The following PTBP3 variants were observed in gnomAD, a reference collection of about 807,000 sequenced individuals.
PTBP3 encodes the protein polypyrimidine tract binding protein 3, also known as polypyrimidine tract-binding protein 3.
Under a neutral mutation model 58.7 loss-of-function variants are expected in PTBP3, and 20 were observed. That is an observed-to-expected ratio of 0.34 (90% CI 0.24 to 0.50). PTBP3 has a LOEUF of 0.50. Among genes scored for constraint, PTBP3 ranks in the 20% least tolerant of loss-of-function variants. PTBP3 has a pLI of 0.98. For missense variants in PTBP3, 509 were observed against 637.2 expected, an observed-to-expected ratio of 0.80 and a Z score of 2.17; for synonymous variants, 185 against 219.8, an observed-to-expected ratio of 0.84 and a Z score of 1.40.
chr9:112,276,573 A>G (rs974607800), intron 2 of PTBP3, among the ~76,000 whole-genome samples: 2 of 152,060 alleles, frequency 1.3e-5, no homozygotes, highest in African/African-American at 4.8e-5. Context: ...ATTCCTTATT[A>G]TATAACAATA....
At chr9:112,300,184 G>A (rs1221475886) in intron 1 of PTBP3, among the ~76,000 whole-genome samples, 1 of 152,134 alleles carries the variant, frequency 6.6e-6, no homozygotes, top group African/African-American at 2.4e-5. Context: ...TTGGAAAACT[G>A]TCTGATCCAA....
At chr9:112,333,972 T>G (rs1830505219), upstream of PTBP3, among the ~76,000 whole-genome samples, 2 of 151,160 alleles carry the variant, frequency 1.3e-5, no homozygotes, top group Admixed American at 1.3e-4. Flanking sequence ...CCTTCCGGCT[T>G]CGCAGACCGG....
chr9:112,242,100 C>T (rs550606023), intron 7 of PTBP3, among the ~76,000 whole-genome samples: 1 of 152,206 alleles, frequency 6.6e-6, no homozygotes, highest in African/African-American at 2.4e-5. Context: ...TTAATTAACA[C>T]CTAATATTAA....
At chr9:112,293,362 T>A (rs1187899593) in intron 2 of PTBP3, among the ~76,000 whole-genome samples, 1 of 152,040 alleles carries the variant, frequency 6.6e-6, no homozygotes, top group African/African-American at 2.4e-5. Flanking sequence ...CCAATTAGAG[T>A]ACAAAAAGAA....
chr9:112,320,913 T>C (rs1320663074), intron 1 of PTBP3, among the ~76,000 whole-genome samples: 1 of 152,182 alleles, frequency 6.6e-6, no homozygotes, highest in Non-Finnish European at 1.5e-5. Flanking sequence ...TACAGGCTTC[T>C]TAAAGCAAAT....
chr9:112,234,791 T>G, intron 8 of PTBP3, 29 bp downstream of exon 8: 1 of 1,570,710 alleles, frequency 6.4e-7, no homozygotes, highest in Non-Finnish European at 8.8e-7. Flanking sequence ...TCATTAAAAG[T>G]CATTTCAAAT....
rs781647787 is a variant in PTBP3, at chr9:112,223,884, G to C, written c.1542C>G (p.His514Gln). 3 of 1,613,280 alleles carry C rather than the reference G, an allele frequency of 1.9e-6. No individual in the cohort carries two copies. In the African/African-American group the frequency reaches 4.0e-5, roughly 22 times the overall value. The change falls in exon 14 of 14, where the codon CAC becomes CAG. Residue 514 changes from histidine to glutamine, a missense_variant. Physicochemically the swap from His to Gln is conservative, Grantham distance 24 (BLOSUM62 0). Transcript: ENST00000374257. ...LHNHDLGENH[H>Q]LRVSFSKSTI is the part of the protein sequence containing the mutation. The stretch of plus-strand genomic sequence containing the variant: ...TAGATTTTGAGAAGGAAACTCTGAG[G>C]TGGTGATTTTCTCCAAGGTCATGGT...
intron 12 of PTBP3, among the ~76,000 whole-genome samples, chr9:112,226,714 C>T (rs1453789078): frequency 6.6e-6 from 1 of 152,154 alleles, no homozygotes; most frequent in Non-Finnish European, 1.5e-5. Context: ...ATAAGTAACA[C>T]GTAAGTGAAT....
At chr9:112,346,351 G>C in the PTBP3 span, among the ~76,000 whole-genome samples, 1 of 151,556 alleles carries the variant, frequency 6.6e-6, no homozygotes, top group African/African-American at 2.4e-5. Context: ...ATTTTTAGTA[G>C]AGGTGGCATT....
At chr9:112,342,398 C>G in the PTBP3 span, among the ~76,000 whole-genome samples, 2 of 152,142 alleles carry the variant, frequency 1.3e-5, no homozygotes, top group African/African-American at 4.8e-5. Flanking sequence ...TTCACAGAAG[C>G]CTGAATATAC....
the PTBP3 span, among the ~76,000 whole-genome samples, chr9:112,349,489 C>A: frequency 1.2e-4 from 19 of 152,102 alleles, no homozygotes; most frequent in Middle Eastern, 3.2e-3. Context: ...TGGGGACTTG[C>A]GATCGGTGTC....
intron 7 of PTBP3, among the ~76,000 whole-genome samples, chr9:112,246,428 C>T (rs1027488955): frequency 6.6e-6 from 1 of 152,094 alleles, no homozygotes; most frequent in African/African-American, 2.4e-5. Flanking sequence ...GGCGCGGTGG[C>T]TCACGCCTGT....
rs775068076 is a variant in PTBP3 at position 112,330,569 on chromosome 9, TATA to T, written c.-52+2898_-52+2900del. ...AGTAAGAATAAAGGGGAAAAAGCATTATAATAACAAATAATAAAAATAAGAATG... is the reference window on the plus strand; with the variant it reads ...AGTAAGAATAAAGGGGAAAAAGCATTATAACAAATAATAAAAATAAGAATG... On this transcript the variant is annotated intron_variant, in intron 1 of 13. Coordinates refer to ENST00000374257, the MANE Select transcript of PTBP3 (RefSeq NM_001163788.4). 34 of 761,122 alleles carry T rather than the reference TATA, an allele frequency of 4.5e-5. No homozygotes were observed. In the Admixed American group the frequency reaches 5.2e-4, roughly 12 times the overall value. 47.1% of individuals were successfully genotyped at this position (761,122 alleles called of 1,614,324 possible). A position where few individuals can be genotyped will look rare whatever the true frequency, so the allele number is the denominator to read the frequency against.
chr9:112,248,620 A>G (rs1022485461), intron 7 of PTBP3, among the ~76,000 whole-genome samples: 1 of 152,230 alleles, frequency 6.6e-6, no homozygotes, highest in Non-Finnish European at 1.5e-5. Flanking sequence ...ACACTAAAAT[A>G]AAATTTTTTT....
At chr9:112,358,457 C>T in the PTBP3 span, among the ~76,000 whole-genome samples, 13 of 152,124 alleles carry the variant, frequency 8.5e-5, no homozygotes, top group Non-Finnish European at 1.0e-4. Context: ...AATAGTGCCA[C>T]GGCTGAGAAA....
chr9:112,287,014 C>G (rs541393761), intron 2 of PTBP3, among the ~76,000 whole-genome samples: 1 of 152,104 alleles, frequency 6.6e-6, no homozygotes, highest in African/African-American at 2.4e-5. Context: ...GTGGTCCCCC[C>G]TCATCCGTCT....
intron 5 of PTBP3, among the ~76,000 whole-genome samples, chr9:112,258,186 A>G (rs1450108739): frequency 1.3e-5 from 2 of 152,330 alleles, no homozygotes; most frequent in East Asian, 3.9e-4. Context: ...TCTATTGGAC[A>G]CTCAAAAACC....
the PTBP3 span, among the ~76,000 whole-genome samples, chr9:112,377,609 T>A: frequency 0.012 from 1,785 of 152,282 alleles, 35 homozygotes; most frequent in African/African-American, 0.041. Context: ...TACATTAATG[T>A]TGCATATAAC....
At chr9:112,244,164 C>A (rs537691204) in intron 7 of PTBP3, among the ~76,000 whole-genome samples, 1 of 151,124 alleles carries the variant, frequency 6.6e-6, no homozygotes, top group Non-Finnish European at 1.5e-5. Flanking sequence ...TGGTGGCATG[C>A]GCCTGTAGTC....
Sources: gnomAD v4.1 joint callset for allele counts (sites outside exome capture counted in the v4.1 genomes callset) on GRCh38, gnomAD v4.1.1 for gene constraint, MANE v1.5 for transcripts, NCBI Gene and HGNC (gene_info 2026-07-23, HGNC 2026-07-21) for gene names.